The following TTC28 variants were observed in gnomAD, a reference collection of about 807,000 sequenced individuals.
TTC28 encodes tetratricopeptide repeat protein 28.
TTC28 carries 61 observed loss-of-function variants against 198.0 expected under a neutral mutation model. The observed-to-expected ratio is 0.31, with a 90% confidence interval of 0.25 to 0.38. TTC28 has a LOEUF of 0.38. TTC28 is among the 10% of genes least tolerant of loss of function. The pLI is 1.00. For synonymous variants in TTC28, 1,171 were observed against 1,297.8 expected (o/e 0.90, Z 2.10); for missense variants, 2,678 against 3,164.0 (o/e 0.85, Z 3.69).
chr22:28,015,729 A>AG (rs1938344220), intron 13 of TTC28, among the ~76,000 whole-genome samples: 1 of 151,976 alleles, frequency 6.6e-6, no homozygotes. Flanking sequence ...CCCCACCATC[A>AG]GTGATCTCTT....
rs570755745 is a variant in TTC28, at chr22:27,985,257, G to C, written c.5807C>G (p.Ser1936Cys). 4.3e-4 allele frequency: 669 copies of C among 1,551,142 alleles called. 9 individuals carry two copies. In the South Asian group the frequency reaches 7.6e-3, roughly 18 times the overall value. Reference sequence around the variant, plus strand: ...TGAGGGCAGGCTCTTACCAAACAGAGACAGCAGGGACTGGAGCGCGAAGTG... The same window carrying C: ...TGAGGGCAGGCTCTTACCAAACAGACACAGCAGGGACTGGAGCGCGAAGTG... The part of the protein sequence containing the change: ...TVHFALQSLL[S>C]LFDSTELPKR... The change falls in exon 22 of 23, where the codon TCT becomes TGT. Residue 1936 changes from serine (S) to cysteine (C), a missense_variant. This residue lies in a region of TTC28 where 314 missense variants were observed against 442.7 expected (regional missense o/e 0.71). Coordinates refer to ENST00000397906, the MANE Select transcript of TTC28 (RefSeq NM_001145418.2).
chr22:28,166,483 C>T (rs1921974146), intron 5 of TTC28, among the ~76,000 whole-genome samples: 1 of 152,232 alleles, frequency 6.6e-6, no homozygotes, highest in African/African-American at 2.4e-5. Flanking sequence ...TGTCAGATCA[C>T]AGTGCAATCA....
At chr22:28,238,909 C>A (rs79140964) in intron 5 of TTC28, among the ~76,000 whole-genome samples, 1 of 152,142 alleles carries the variant, frequency 6.6e-6, no homozygotes, top group Non-Finnish European at 1.5e-5. Context: ...CCAGATGGTT[C>A]AGACTCCCCA....
At chr22:28,658,684 T>C (rs1339646537) in intron 1 of TTC28, among the ~76,000 whole-genome samples, 1 of 152,200 alleles carries the variant, frequency 6.6e-6, no homozygotes, top group Non-Finnish European at 1.5e-5. Flanking sequence ...AGATGGTAAT[T>C]TGACATACAT....
At chr22:28,308,373 A>G (rs5762553) in intron 2 of TTC28, among the ~76,000 whole-genome samples, 76,553 of 152,002 alleles carry the variant, frequency 0.5, 19,545 homozygotes, top group Admixed American at 0.57. Context: ...AAATATACAT[A>G]TTTATGTTTT....
In TTC28 at chr22:28,380,573, C is replaced by T. The variant is rs538152555; in HGVS notation, c.382-73930G>A. 2.6e-4 allele frequency among the ~76,000 whole-genome samples: 40 copies of T among 152,190 alleles called. 1 individual carries two copies. The South Asian group carries it at 8.1e-3, about 31-fold the overall frequency. On this transcript the variant is annotated intron_variant, in intron 2 of 22. Transcript: ENST00000397906. The stretch of plus-strand genomic sequence containing the variant: ...AAAATCCAGTCTCTTATAATCAATC[C>T]TTTATGCTGATGAATAATAATTTTC...
At chr22:28,173,325 A>C (rs1490933790) in intron 5 of TTC28, among the ~76,000 whole-genome samples, 1 of 152,166 alleles carries the variant, frequency 6.6e-6, no homozygotes, top group Non-Finnish European at 1.5e-5. Flanking sequence ...ATGGGGAATC[A>C]CAGGCTCCAC....
At chr22:28,092,034 GAGA>G (rs1941830615) in intron 12 of TTC28, among the ~76,000 whole-genome samples, 1 of 152,276 alleles carries the variant, frequency 6.6e-6, no homozygotes, top group Non-Finnish European at 1.5e-5. Context: ...GCCCTTGGTG[GAGA>G]AGATCTCTCA....
intron 2 of TTC28, among the ~76,000 whole-genome samples, chr22:28,554,136 G>A (rs1350736306): frequency 2.6e-5 from 4 of 151,978 alleles, no homozygotes; most frequent in East Asian, 3.9e-4. Flanking sequence ...GATTAAGGGC[G>A]GGGCAAGATG....
At chr22:28,532,474 T>A (rs1438181778) in intron 2 of TTC28, among the ~76,000 whole-genome samples, 3 of 152,114 alleles carry the variant, frequency 2.0e-5, no homozygotes, top group South Asian at 2.1e-4. Flanking sequence ...ATTCTACCAG[T>A]GGTACAAAGA....
chr22:28,212,283 G>C (rs190165936), intron 5 of TTC28, among the ~76,000 whole-genome samples: 29 of 152,034 alleles, frequency 1.9e-4, no homozygotes, highest in Admixed American at 1.7e-3. Context: ...GATCAGAGCA[G>C]AACTGAAGGA....
rs1936967701 is a variant in TTC28 at position 27,980,277 on chromosome 22, T to TA, written c.*1943dup. The TA allele has an allele frequency of 6.6e-6, 1 of 152,158 alleles. No individual in the cohort carries two copies. The highest frequency in any genetic ancestry group is 2.4e-5 in the African/African-American group (1 of 41,448). 9.4% of individuals were successfully genotyped at this position (152,158 alleles called of 1,614,324 possible). ...ATTTGGTCTTCACTTGCTACACTGGTACTTTTATTACCATTTTTTCCCCTA... is the reference window on the plus strand; with the variant it reads ...ATTTGGTCTTCACTTGCTACACTGGTAACTTTTATTACCATTTTTTCCCCTA... On this transcript the variant is annotated 3_prime_UTR_variant, in exon 23 of 23. Coordinates refer to ENST00000397906, the MANE Select transcript of TTC28 (RefSeq NM_001145418.2).
chr22:28,393,458 G>A (rs951199162), intron 2 of TTC28, among the ~76,000 whole-genome samples: 4 of 152,154 alleles, frequency 2.6e-5, no homozygotes, highest in Non-Finnish European at 5.9e-5. Flanking sequence ...TTGGGAGGCT[G>A]AGGCAGGAGG....
At chr22:28,077,858 G>A (rs571980090) in intron 12 of TTC28, among the ~76,000 whole-genome samples, 7 of 152,320 alleles carry the variant, frequency 4.6e-5, no homozygotes, top group African/African-American at 1.7e-4. Context: ...AACCCCTTGT[G>A]AGTGCTCCTT....
chr22:28,590,008 G>C (rs2050394850), intron 2 of TTC28, among the ~76,000 whole-genome samples: 1 of 106,354 alleles, frequency 9.4e-6, no homozygotes, highest in African/African-American at 4.0e-5. Flanking sequence ...CTGCACTCCA[G>C]CCTGGGCAAC....
chr22:28,457,032 T>C (rs1315398033), intron 2 of TTC28, among the ~76,000 whole-genome samples: 1 of 152,208 alleles, frequency 6.6e-6, no homozygotes, highest in Non-Finnish European at 1.5e-5. Flanking sequence ...TGCTATGAAT[T>C]TATTATAAGT....
At chr22:28,156,654 T>C (rs1243408617) in intron 6 of TTC28, among the ~76,000 whole-genome samples, 1 of 152,034 alleles carries the variant, frequency 6.6e-6, no homozygotes, top group Non-Finnish European at 1.5e-5. Context: ...CAGATCAACA[T>C]CAAAACGAGA....
At chr22:28,133,279 C>G (rs1267875654) in intron 6 of TTC28, among the ~76,000 whole-genome samples, 1 of 152,122 alleles carries the variant, frequency 6.6e-6, no homozygotes, top group African/African-American at 2.4e-5. Flanking sequence ...CAGCTCAGGT[C>G]TACACCTCCC....
intron 2 of TTC28, among the ~76,000 whole-genome samples, chr22:28,488,015 G>A (rs531191896): frequency 5.9e-5 from 9 of 152,058 alleles, no homozygotes; most frequent in Non-Finnish European, 1.3e-4. Context: ...ACGCTCCTGC[G>A]CACAGTGCTC....
Sources: gnomAD v4.1 joint callset for allele counts (sites outside exome capture counted in the v4.1 genomes callset) on GRCh38, gnomAD v4.1.1 for gene constraint, gnomAD v4.1.1 regional missense constraint, MANE v1.5 for transcripts, NCBI Gene and HGNC (gene_info 2026-07-23, HGNC 2026-07-21) for gene names.